The following KLF12 variants were observed in gnomAD, a reference collection of about 807,000 sequenced individuals.
KLF12 encodes the protein Krueppel-like factor 12.
A neutral mutation model predicts 37.8 loss-of-function variants in KLF12; 9 were observed. The ratio of observed to expected loss-of-function variants is 0.24; its 90% CI spans 0.14 to 0.42. The LOEUF (loss-of-function observed/expected upper bound fraction) is 0.42, where lower values mean the gene tolerates loss of function less well. Ranked by LOEUF, KLF12 falls within the 10% of genes least tolerant of loss-of-function variation. KLF12 has a pLI of 1.00. For missense variants in KLF12, 411 were observed against 516.0 expected, an observed-to-expected ratio of 0.80 and a Z score of 1.97; for synonymous variants, 208 against 202.1, an observed-to-expected ratio of 1.03 and a Z score of -0.25.
chr13:73,776,785 G>T (rs1880635304), intron 5 of KLF12, among the ~76,000 whole-genome samples: 1 of 152,082 alleles, frequency 6.6e-6, no homozygotes, highest in Non-Finnish European at 1.5e-5. Flanking sequence ...GTTATTTTTG[G>T]TATGAATCAC....
chr13:74,150,540 C>T, the KLF12 span, among the ~76,000 whole-genome samples: 2 of 152,254 alleles, frequency 1.3e-5, no homozygotes, highest in African/African-American at 4.8e-5. Context: ...TTCACAATTT[C>T]ATGGATAGAA....
intron 6 of KLF12, among the ~76,000 whole-genome samples, chr13:73,760,247 A>T (rs1879459648): frequency 1.3e-5 from 2 of 152,178 alleles, no homozygotes; most frequent in Non-Finnish European, 1.5e-5. Flanking sequence ...ATAAATAATA[A>T]TAGAGACTGG....
At chr13:73,980,328 C>T (rs896873493) in intron 2 of KLF12, among the ~76,000 whole-genome samples, 1 of 152,144 alleles carries the variant, frequency 6.6e-6, no homozygotes, top group Non-Finnish European at 1.5e-5. Flanking sequence ...ATTGTTTATG[C>T]ACATTCTTCC....
chr13:73,792,258 C>T (rs1881728787), intron 5 of KLF12, among the ~76,000 whole-genome samples: 1 of 152,112 alleles, frequency 6.6e-6, no homozygotes, highest in South Asian at 2.1e-4. Flanking sequence ...TGAAATTGTG[C>T]ACAGAATCTC....
chr13:73,854,882 C>T (rs567424985), intron 3 of KLF12, among the ~76,000 whole-genome samples: 143 of 152,212 alleles, frequency 9.4e-4, no homozygotes, highest in Non-Finnish European at 1.2e-3. Flanking sequence ...CCAGGGATAT[C>T]GAGGGACAAC....
At position 73,759,149 on chromosome 13, in the gene KLF12, C is replaced by T. The variant is rs1266381315; in HGVS notation, c.869+5789G>A. 2.0e-5 allele frequency among the ~76,000 whole-genome samples: 3 copies of T among 152,102 alleles called. 1 individual carries two copies. The East Asian group carries it at 5.8e-4, about 29-fold the overall frequency. ...AGGTTAACGATGACATCAACTATGG[C>T]CCATTTTCCAAATCTCCTATCAAAC... On this transcript the variant is annotated intron_variant, in intron 6 of 7. Coordinates refer to ENST00000377669, the MANE Select transcript of KLF12 (RefSeq NM_007249.5).
the KLF12 span, among the ~76,000 whole-genome samples, chr13:74,162,670 A>G: frequency 2.1e-3 from 325 of 152,258 alleles, 3 homozygotes; most frequent in African/African-American, 7.5e-3. Context: ...CCTCCTCAGC[A>G]TGTACATAGT....
intron 3 of KLF12, among the ~76,000 whole-genome samples, chr13:73,863,570 A>G (rs1234814495): frequency 2.0e-5 from 3 of 152,192 alleles, no homozygotes; most frequent in East Asian, 3.9e-4. Flanking sequence ...TATTTTATCT[A>G]TTTTACTGTA....
chr13:74,051,341 AACACACAC>A (rs10678885), intron 1 of KLF12, among the ~76,000 whole-genome samples: 45 of 143,776 alleles, frequency 3.1e-4, no homozygotes, highest in Middle Eastern at 3.6e-3. Flanking sequence ...TACACACACA[AACACACAC>A]ACACACACAC....
intron 1 of KLF12, among the ~76,000 whole-genome samples, chr13:74,022,302 T>C (rs1431273585): frequency 6.6e-6 from 1 of 151,746 alleles, no homozygotes; most frequent in African/African-American, 2.4e-5. Flanking sequence ...CAACATTCAC[T>C]GCAAACAGAA....
the KLF12 span, among the ~76,000 whole-genome samples, chr13:74,157,136 G>A: frequency 1.3e-5 from 2 of 152,160 alleles, no homozygotes; most frequent in Non-Finnish European, 2.9e-5. Context: ...TAAACATTTA[G>A]TGGCTGCCTA....
intron 6 of KLF12, among the ~76,000 whole-genome samples, chr13:73,730,618 G>T (rs1285026672): frequency 6.6e-6 from 1 of 151,978 alleles, no homozygotes; most frequent in Non-Finnish European, 1.5e-5. Flanking sequence ...CAAGGGAGGG[G>T]GTGTCTGATT....
chr13:73,984,463 C>A (rs1891771451), intron 2 of KLF12, among the ~76,000 whole-genome samples: 1 of 152,188 alleles, frequency 6.6e-6, no homozygotes, highest in Non-Finnish European at 1.5e-5. Flanking sequence ...CCACAGTTCC[C>A]TGGCCTCTCT....
chr13:73,738,117 A>ATATACACACACATATATGTATGTG (rs1877638920), intron 6 of KLF12, among the ~76,000 whole-genome samples: 1 of 66,474 alleles, frequency 1.5e-5, no homozygotes, highest in African/African-American at 1.1e-4. Context: ...ATATATATAT[A>ATATACACACACATATATGTATGTG]TATATATACA....
intron 3 of KLF12, among the ~76,000 whole-genome samples, chr13:73,877,220 T>C (rs1275767421): frequency 1.3e-5 from 2 of 152,268 alleles, no homozygotes; most frequent in Admixed American, 6.5e-5. Flanking sequence ...AATTTAAATG[T>C]TATTACAGTC....
intron 3 of KLF12, among the ~76,000 whole-genome samples, chr13:73,854,977 G>T (rs1274332931): frequency 6.6e-6 from 1 of 152,176 alleles, no homozygotes; most frequent in Admixed American, 6.5e-5. Context: ...GAAGTGGAGA[G>T]AAATCTCTCT....
At chr13:74,059,479 A>G (rs1447327055) in intron 1 of KLF12, among the ~76,000 whole-genome samples, 1 of 152,144 alleles carries the variant, frequency 6.6e-6, no homozygotes, top group Non-Finnish European at 1.5e-5. Context: ...CTATTCTGAC[A>G]ATTATTATCA....
At chr13:73,742,360 T>C (rs963672851) in intron 6 of KLF12, among the ~76,000 whole-genome samples, 7 of 152,040 alleles carry the variant, frequency 4.6e-5, no homozygotes, top group African/African-American at 1.7e-4. Flanking sequence ...AAATATAGAG[T>C]GTATATAAAT....
intron 3 of KLF12, among the ~76,000 whole-genome samples, chr13:73,903,337 T>G (rs973733918): frequency 6.6e-6 from 1 of 152,180 alleles, no homozygotes; most frequent in African/African-American, 2.4e-5. Flanking sequence ...GTCTTATTAA[T>G]TATGGCATTC....
Sources: gnomAD v4.1 joint callset for allele counts (sites outside exome capture counted in the v4.1 genomes callset) on GRCh38, gnomAD v4.1.1 for gene constraint, MANE v1.5 for transcripts, NCBI Gene and HGNC (gene_info 2026-07-23, HGNC 2026-07-21) for gene names.